Variants in CWC27 observed in about 807,000 individuals in gnomAD.
CWC27 encodes the protein spliceosome-associated protein CWC27 homolog.
A neutral mutation model predicts 63.6 loss-of-function variants in CWC27; 47 were observed. That is an observed-to-expected ratio of 0.74 (90% CI 0.58 to 0.94). CWC27 has a LOEUF of 0.94. Ranked by LOEUF, CWC27 falls within the 40% of genes least tolerant of loss-of-function variation. The pLI is 0.00. For synonymous variants in CWC27, 175 were observed against 179.8 expected (o/e 0.97, Z 0.22); for missense variants, 495 against 554.3 (o/e 0.89, Z 1.07).
At chr5:64,973,879 G>A (rs1474183843) in intron 12 of CWC27, among the ~76,000 whole-genome samples, 1 of 151,760 alleles carries the variant, frequency 6.6e-6, no homozygotes, top group African/African-American at 2.4e-5. Context: ...AGTCTTTTTT[G>A]TTTTCATTTT....
intron 11 of CWC27, among the ~76,000 whole-genome samples, chr5:64,912,529 A>G (rs763708276): frequency 2.0e-5 from 3 of 152,176 alleles, no homozygotes; most frequent in Non-Finnish European, 2.9e-5. Flanking sequence ...CTAATAAATA[A>G]TAAAAACAAA....
At chr5:64,902,708 T>C (rs902254968) in intron 11 of CWC27, among the ~76,000 whole-genome samples, 7 of 152,204 alleles carry the variant, frequency 4.6e-5, no homozygotes, top group Non-Finnish European at 1.0e-4. Flanking sequence ...GTCATATGCA[T>C]GTCCATGTGA....
intron 11 of CWC27, among the ~76,000 whole-genome samples, chr5:64,938,941 GT>G (rs1486187467): frequency 6.6e-6 from 1 of 152,090 alleles, no homozygotes; most frequent in African/African-American, 2.4e-5. Flanking sequence ...CTCGTGATGT[GT>G]TTTTCAGCTC....
At chr5:64,780,357 A>G (rs966879072) in intron 2 of CWC27, among the ~76,000 whole-genome samples, 1 of 107,762 alleles carries the variant, frequency 9.3e-6, no homozygotes, top group Admixed American at 8.7e-5. Flanking sequence ...TAGTGCTGCT[A>G]TGAACATTTG....
chr5:64,897,476 G>A (rs1377186902), intron 11 of CWC27, among the ~76,000 whole-genome samples: 3 of 152,092 alleles, frequency 2.0e-5, no homozygotes, highest in African/African-American at 7.2e-5. Flanking sequence ...TTAGCAAACT[G>A]TCACAAGGAC....
intron 11 of CWC27, among the ~76,000 whole-genome samples, chr5:64,928,091 G>A (rs1280028177): frequency 2.0e-5 from 3 of 151,730 alleles, no homozygotes; most frequent in African/African-American, 7.3e-5. Flanking sequence ...GGAGGCCAAG[G>A]TTGCAGTGAG....
chr5:64,933,994 G>A (rs1748293455), intron 11 of CWC27, among the ~76,000 whole-genome samples: 1 of 151,984 alleles, frequency 6.6e-6, no homozygotes, highest in African/African-American at 2.4e-5. Flanking sequence ...TCCCATTCCA[G>A]GATTCAATCC....
At chr5:64,859,564 C>A (rs1199841239) in intron 10 of CWC27, among the ~76,000 whole-genome samples, 1 of 152,116 alleles carries the variant, frequency 6.6e-6, no homozygotes, top group Non-Finnish European at 1.5e-5. Flanking sequence ...CAAAGCTAGG[C>A]AAACACAGTA....
chr5:64,897,633 C>G (rs1747412039), intron 11 of CWC27, among the ~76,000 whole-genome samples: 2 of 152,068 alleles, frequency 1.3e-5, no homozygotes, highest in Admixed American at 1.3e-4. Flanking sequence ...GGAGAAATAC[C>G]TAATGTAAAT....
chr5:64,906,577 G>A, intron 11 of CWC27, among the ~76,000 whole-genome samples: 1 of 151,890 alleles, frequency 6.6e-6, no homozygotes, highest in East Asian at 1.9e-4. Flanking sequence ...TTAGCCCTTT[G>A]TCAAATGGAT....
rs148505958 is a variant in CWC27, at chr5:64,973,944, ATTAG to A, written c.1152+2137_1152+2140del. Among the ~76,000 whole-genome samples the A allele has an allele frequency of 2.6e-3, 389 of 152,194 alleles. 5 individuals carry two copies. Among genetic ancestry groups the A allele is most frequent in the African/African-American group, 8.5e-3 (354 of 41,508 alleles). On this transcript the variant is annotated intron_variant, in intron 12 of 13. Transcript: ENST00000381070. The stretch of plus-strand genomic sequence containing the variant: ...AGTATGCAAACATCCATCATTAAAA[ATTAG>A]TTAGGGCCAGGCATGGTGAGTCACT...
At chr5:64,892,239 A>G (rs1747256042) in intron 11 of CWC27, among the ~76,000 whole-genome samples, 1 of 152,182 alleles carries the variant, frequency 6.6e-6, no homozygotes, top group African/African-American at 2.4e-5. Flanking sequence ...GCCTTTAGCT[A>G]TATTTTTAGT....
At chr5:64,957,227 G>A (rs1748818446) in intron 11 of CWC27, among the ~76,000 whole-genome samples, 1 of 152,110 alleles carries the variant, frequency 6.6e-6, no homozygotes, top group Non-Finnish European at 1.5e-5. Context: ...ATTTTAGGTA[G>A]TACTTCTTGA....
intron 13 of CWC27, among the ~76,000 whole-genome samples, chr5:64,998,133 C>T (rs187360085): frequency 6.6e-5 from 10 of 152,190 alleles, no homozygotes; most frequent in Admixed American, 5.9e-4. Flanking sequence ...CTTAACCCTG[C>T]GCTTTCATAT....
intron 10 of CWC27, among the ~76,000 whole-genome samples, chr5:64,861,262 T>C (rs951407320): frequency 2.0e-5 from 3 of 152,124 alleles, no homozygotes; most frequent in Non-Finnish European, 4.4e-5. Flanking sequence ...TATTTTTTTT[T>C]TTCACTCACC....
At chr5:64,916,885 T>TTAGTAGTAGTAG (rs56214406) in intron 11 of CWC27, among the ~76,000 whole-genome samples, 251 of 144,066 alleles carry the variant, frequency 1.7e-3, no homozygotes, top group Non-Finnish European at 2.7e-3. Flanking sequence ...AGTAGTAGTA[T>TTAGTAGTAGTAG]TAGTAGTAGT....
intron 8 of CWC27, 136 bp from the exon 9 acceptor site, chr5:64,801,166 C>G (rs113424297): frequency 3.7e-4 from 289 of 788,634 alleles, no homozygotes; most frequent in Non-Finnish European, 5.1e-4. Flanking sequence ...TTCTATAATG[C>G]CTTTCTTAAA....
chr5:64,821,086 A>AAT (rs1554070556), intron 10 of CWC27, among the ~76,000 whole-genome samples: 164 of 132,676 alleles, frequency 1.2e-3, no homozygotes, highest in Non-Finnish European at 2.3e-3. Context: ...AAACAAAGCA[A>AAT]TTTTTTTTTT....
At chr5:64,842,196 C>T (rs1042143589) in intron 10 of CWC27, among the ~76,000 whole-genome samples, 49 of 152,122 alleles carry the variant, frequency 3.2e-4, no homozygotes, top group Admixed American at 4.6e-4. Context: ...TTAGTACTAT[C>T]GGGTCCTATA....
Sources: allele counts gnomAD v4.1 joint callset (sites outside exome capture counted in the v4.1 genomes callset), GRCh38; gene constraint gnomAD v4.1.1; transcripts MANE v1.5; gene names NCBI Gene and HGNC (gene_info 2026-07-23, HGNC 2026-07-21).